The following NEURL1 variants were observed in gnomAD, a reference collection of about 807,000 sequenced individuals.
NEURL1 encodes neuralized E3 ubiquitin protein ligase 1.
Under a neutral mutation model 41.2 loss-of-function variants are expected in NEURL1, and 26 were observed. The observed-to-expected ratio is 0.63, with a 90% CI of 0.46 to 0.87. The LOEUF is 0.87. Among genes scored for constraint, NEURL1 ranks in the 40% least tolerant of loss-of-function variants. The probability of loss-of-function intolerance (pLI) is 0.00; values close to 1 mark genes in which losing one functional copy is unlikely to be tolerated. For synonymous variants in NEURL1, 400 were observed against 402.3 expected, an observed-to-expected ratio of 0.99 and a Z score of 0.07; for missense variants, 761 against 871.1, an observed-to-expected ratio of 0.87 and a Z score of 1.59.
intron 1 of NEURL1, among the ~76,000 whole-genome samples, chr10:103,509,839 C>T (rs1351332729): frequency 6.6e-6 from 1 of 152,076 alleles, no homozygotes; most frequent in African/African-American, 2.4e-5. Flanking sequence ...CTTGAGGCTC[C>T]CATTTGGGAG....
intron 1 of NEURL1, chr10:103,549,060 C>T (rs1316605847): frequency 6.6e-6 from 1 of 152,370 alleles, no homozygotes; most frequent in Non-Finnish European, 1.5e-5. Flanking sequence ...CTTCCTTGTT[C>T]CATCCTTTCT....
rs960885881 is a variant in NEURL1 at position 103,558,320 on chromosome 10, T to C, written c.86-12552T>C. The C allele has an allele frequency of 3.1e-5, 29 of 929,728 alleles. No homozygotes were observed. The highest frequency in any genetic ancestry group is 3.6e-5 in the Non-Finnish European group (28 of 779,324). The allele number at this position is 929,728 out of a possible 1,614,324, so 57.6% of individuals were successfully genotyped here. ...GTCGGGGGTCATCTAATTGTGTGTT[T>C]TGTTTGTGGACGTGTTTTGGCTCTC... On this transcript the variant is annotated intron_variant, in intron 1 of 5. Transcript: ENST00000369780. This position sits in a 1 kb window ranked among gnomAD's most constrained non-coding sequence, Gnocchi z 4.2.
intron 1 of NEURL1, among the ~76,000 whole-genome samples, chr10:103,567,040 T>C (rs2035439989): frequency 6.6e-6 from 1 of 151,634 alleles, no homozygotes; most frequent in Non-Finnish European, 1.5e-5. Context: ...TGGAGTGCAG[T>C]GGTGCTGTCT....
At chr10:103,536,161 G>A (rs971990165) in intron 1 of NEURL1, among the ~76,000 whole-genome samples, 1 of 152,110 alleles carries the variant, frequency 6.6e-6, no homozygotes, top group Admixed American at 6.5e-5. Flanking sequence ...TAGAGTCCCA[G>A]CATTTTCTTC....
chr10:103,582,673 G>A (rs1054385140), intron 3 of NEURL1, among the ~76,000 whole-genome samples: 6 of 152,176 alleles, frequency 3.9e-5, no homozygotes, highest in African/African-American at 1.4e-4. Flanking sequence ...GGCCTCTGCT[G>A]TCCCTACCAG....
At chr10:103,501,618 T>TTTATTTTTATTATTA (rs1554888031) in intron 1 of NEURL1, among the ~76,000 whole-genome samples, 1 of 142,596 alleles carries the variant, frequency 7.0e-6, no homozygotes, top group African/African-American at 2.6e-5. Flanking sequence ...TCCCACTTTA[T>TTTATTTTTATTATTA]TTATTATTAT....
intron 1 of NEURL1, chr10:103,551,012 C>T (rs558854401): frequency 3.9e-5 from 6 of 152,316 alleles, no homozygotes; most frequent in Non-Finnish European, 7.3e-5. Flanking sequence ...CCTTTCACAT[C>T]GTTTCCAAAG....
chr10:103,571,360 G>A, intron 2 of NEURL1, 141 bp from the exon 3 acceptor site: 1 of 1,013,000 alleles, frequency 9.9e-7, no homozygotes, highest in Non-Finnish European at 1.4e-6. Flanking sequence ...TCCCAGCAGG[G>A]AGGGCTCCTG....
intron 1 of NEURL1, chr10:103,555,275 C>T: frequency 8.8e-7 from 1 of 1,135,820 alleles, no homozygotes; most frequent in Non-Finnish European, 1.1e-6. Flanking sequence ...CGGTCTCCGC[C>T]CGCGGGGGAG....
chr10:103,509,420 C>G (rs2034021515), intron 1 of NEURL1, among the ~76,000 whole-genome samples: 1 of 152,090 alleles, frequency 6.6e-6, no homozygotes, highest in Admixed American at 6.6e-5. Flanking sequence ...CCTATTGTTC[C>G]TTGGCTACAA....
At chr10:103,505,540 AT>A (rs1396104523) in intron 1 of NEURL1, among the ~76,000 whole-genome samples, 4 of 151,876 alleles carry the variant, frequency 2.6e-5, no homozygotes, top group Non-Finnish European at 5.9e-5. Flanking sequence ...TAATTTTTTA[AT>A]TTTTGTAGAG....
At chr10:103,570,658 G>A (rs1195524898) in intron 1 of NEURL1, among the ~76,000 whole-genome samples, 2 of 151,760 alleles carry the variant, frequency 1.3e-5, no homozygotes, top group African/African-American at 2.4e-5. Flanking sequence ...AGAAGTGGTG[G>A]ATAGTGAACC....
At chr10:103,583,638 G>A (rs1240685326) in intron 3 of NEURL1, among the ~76,000 whole-genome samples, 15 of 145,178 alleles carry the variant, frequency 1.0e-4, no homozygotes, top group African/African-American at 2.3e-4. Context: ...CCTGGGAGGC[G>A]GAGGTTGCTG....
chr10:103,555,382 G>T, intron 1 of NEURL1: 1 of 1,358,958 alleles, frequency 7.4e-7, no homozygotes, highest in South Asian at 1.2e-5. Flanking sequence ...CGCCGGAGAT[G>T]GGGGGACAGA....
At chr10:103,561,057 A>C (rs984318395) in intron 1 of NEURL1, among the ~76,000 whole-genome samples, 1 of 152,200 alleles carries the variant, frequency 6.6e-6, no homozygotes, top group African/African-American at 2.4e-5. Context: ...CTGCTTCGCA[A>C]GGCTTGCCAA....
At chr10:103,583,145 G>C (rs2035819468) in intron 3 of NEURL1, among the ~76,000 whole-genome samples, 1 of 152,192 alleles carries the variant, frequency 6.6e-6, no homozygotes, top group Non-Finnish European at 1.5e-5. Context: ...TATTGGCACG[G>C]AGAGGTGTTC....
At position 103,558,980 on chromosome 10, in the gene NEURL1, G is replaced by A. The variant is rs1413889106; in HGVS notation, c.86-11892G>A. Among the ~76,000 whole-genome samples, 1 of 152,086 alleles carries A rather than the reference G, an allele frequency of 6.6e-6. No homozygotes were observed. Among genetic ancestry groups the A allele is most frequent in the East Asian group, 1.9e-4 (1 of 5,184 alleles). ...AGAGGATGCTGGCGTACAGGGACCC[G>A]AGACATTGGCTCCCACCCCCTCCTG... On this transcript the variant is annotated intron_variant, in intron 1 of 5. Coordinates refer to ENST00000369780, the MANE Select transcript of NEURL1 (RefSeq NM_004210.5). This position sits in a 1 kb window ranked among gnomAD's most constrained non-coding sequence, Gnocchi z 4.2.
chr10:103,560,508 C>G (rs781458338), intron 1 of NEURL1, among the ~76,000 whole-genome samples: 1 of 152,154 alleles, frequency 6.6e-6, no homozygotes, highest in Non-Finnish European at 1.5e-5. Context: ...TATGAAGGTG[C>G]CAGTCTTAAC....
At chr10:103,511,918 C>T (rs2034081093) in intron 1 of NEURL1, 2 of 152,246 alleles carry the variant, frequency 1.3e-5, no homozygotes, top group South Asian at 4.1e-4. Flanking sequence ...TCAAACTTTT[C>T]TTCTATGGGC....
Sources: gnomAD v4.1 joint callset for allele counts (sites outside exome capture counted in the v4.1 genomes callset) on GRCh38, gnomAD v4.1.1 for gene constraint, Gnocchi (gnomAD v3.1) non-coding constraint, MANE v1.5 for transcripts, NCBI Gene and HGNC (gene_info 2026-07-23, HGNC 2026-07-21) for gene names.